The following NR1H4 variants were observed in gnomAD, a reference collection of about 807,000 sequenced individuals.
NR1H4 encodes bile acid receptor.
Under a neutral mutation model 58.5 loss-of-function variants are expected in NR1H4, and 23 were observed. That is an observed-to-expected ratio of 0.39 (90% confidence interval 0.28 to 0.56). The LOEUF is 0.56. Among genes scored for constraint, NR1H4 ranks in the 20% least tolerant of loss-of-function variants. The probability of loss-of-function intolerance (pLI) is 0.58; values close to 1 mark genes in which losing one functional copy is unlikely to be tolerated. For missense variants in NR1H4, 487 were observed against 576.9 expected (o/e 0.84, Z 1.60); for synonymous variants, 214 against 198.0 (o/e 1.08, Z -0.68).
chr12:100,553,388 T>C (rs1593131890), intron 9 of NR1H4, among the ~76,000 whole-genome samples: 1 of 152,280 alleles, frequency 6.6e-6, no homozygotes, highest in South Asian at 2.1e-4. Context: ...GAACTGAACC[T>C]AGAAAAGGAA....
In NR1H4 at chr12:100,563,629, C is replaced by T; in HGVS notation, c.*140C>T. On this transcript the variant is annotated 3_prime_UTR_variant, in exon 11 of 11. Transcript: ENST00000392986. ...TATGTTGTAATTACATGTGTAACTT[C>T]CACAACTGTAAATATTGGGCTAGAT... is the stretch of plus-strand genomic sequence containing the variant. 1.4e-6 allele frequency: 1 copy of T among 739,452 alleles called. No homozygotes were observed. The highest frequency in any genetic ancestry group is 1.6e-5 in the South Asian group (1 of 61,068). 45.8% of individuals were successfully genotyped at this position (739,452 alleles called of 1,614,324 possible).
At chr12:100,475,280 C>T (rs771675925) in intron 1 of NR1H4, among the ~76,000 whole-genome samples, 3 of 152,056 alleles carry the variant, frequency 2.0e-5, no homozygotes, top group Non-Finnish European at 4.4e-5. Context: ...CTTTGTGTTA[C>T]GTTCCTACCC....
chr12:100,551,963 GA>G (rs1418255785), intron 9 of NR1H4, among the ~76,000 whole-genome samples: 5 of 152,152 alleles, frequency 3.3e-5, no homozygotes, highest in African/African-American at 1.2e-4. Context: ...ATAATGACAA[GA>G]AAAAAGTCTG....
At chr12:100,549,481 T>A (rs1955155740) in intron 9 of NR1H4, among the ~76,000 whole-genome samples, 1 of 152,144 alleles carries the variant, frequency 6.6e-6, no homozygotes, top group African/African-American at 2.4e-5. Context: ...GAACTTAACT[T>A]CTTCATCACA....
rs370736489 is a variant in NR1H4 at position 100,513,516 on chromosome 12, G to A, written c.445+2373G>A. On this transcript the variant is annotated intron_variant, in intron 4 of 10. Coordinates refer to ENST00000392986, the MANE Select transcript of NR1H4 (RefSeq NM_001206979.2). Reference sequence around the variant, plus strand: ...ATTGGTTAGAAAAATAAAATAGGCCGGACGCTGTGGTTCACTTATGTAAGT... The same window carrying A: ...ATTGGTTAGAAAAATAAAATAGGCCAGACGCTGTGGTTCACTTATGTAAGT... Among the ~76,000 whole-genome samples the A allele has an allele frequency of 1.6e-4, 25 of 152,144 alleles. No individual in the cohort carries two copies. In the South Asian group the frequency reaches 4.2e-3, roughly 25 times the overall value.
intron 4 of NR1H4, among the ~76,000 whole-genome samples, chr12:100,512,654 AG>A (rs1378067704): frequency 1.3e-4 from 20 of 152,076 alleles, no homozygotes; most frequent in African/African-American, 4.3e-4. Flanking sequence ...AAAAAAAAAA[AG>A]ACAATGTAAA....
At chr12:100,535,123 A>C (rs1285638032) in intron 6 of NR1H4, 100 bp downstream of exon 6, 1 of 1,335,608 alleles carries the variant, frequency 7.5e-7, no homozygotes, top group African/African-American at 1.4e-5. Context: ...CCACAGGCAC[A>C]GCTGAATTTC....
rs73380067 is a variant in NR1H4 at position 100,553,376 on chromosome 12, T to A, written c.1079-8509T>A. 8.9e-3 allele frequency among the ~76,000 whole-genome samples: 1,351 copies of A among 152,266 alleles called. 22 individuals carry two copies. The highest frequency in any genetic ancestry group is 0.031 in the African/African-American group (1,288 of 41,550). On this transcript the variant is annotated intron_variant, in intron 9 of 10. Transcript: ENST00000392986. ...AGATATGAATTGTGATAAGTTGCAATAGAACTGAACCTAGAAAAGGAAGTA... is the reference window on the plus strand; with the variant it reads ...AGATATGAATTGTGATAAGTTGCAAAAGAACTGAACCTAGAAAAGGAAGTA...
intron 9 of NR1H4, among the ~76,000 whole-genome samples, chr12:100,544,365 C>T (rs915389134): frequency 2.6e-5 from 4 of 151,566 alleles, no homozygotes; most frequent in Non-Finnish European, 5.9e-5. Flanking sequence ...TGACAGGTCT[C>T]TACTCTAGGG....
At chr12:100,513,798 CAGAAAGGAAGGAAGGAAGGA>C (rs1411458457) in intron 4 of NR1H4, among the ~76,000 whole-genome samples, 10 of 87,332 alleles carry the variant, frequency 1.1e-4, no homozygotes, top group South Asian at 6.3e-4. Context: ...CCGTCAAAGA[CAGAAAGGAAGGAAGGAAGGA>C]AGGAAGGAAG....
intron 9 of NR1H4, among the ~76,000 whole-genome samples, chr12:100,558,843 C>A (rs1458335388): frequency 6.6e-6 from 1 of 152,210 alleles, no homozygotes; most frequent in African/African-American, 2.4e-5. Context: ...TAGCCACTGT[C>A]AGGACTTTGG....
At chr12:100,518,723 A>G (rs1244220998) in intron 4 of NR1H4, among the ~76,000 whole-genome samples, 2 of 152,104 alleles carry the variant, frequency 1.3e-5, no homozygotes, top group Non-Finnish European at 2.9e-5. Flanking sequence ...ACTTACAAAA[A>G]TAGGCAGGAA....
chr12:100,551,640 A>G (rs1431973655), intron 9 of NR1H4, among the ~76,000 whole-genome samples: 3 of 152,232 alleles, frequency 2.0e-5, no homozygotes, highest in African/African-American at 7.2e-5. Flanking sequence ...AATACAAGTG[A>G]GGTTATTTCC....
At chr12:100,495,332 G>A (rs963907503) in intron 3 of NR1H4, among the ~76,000 whole-genome samples, 1 of 152,188 alleles carries the variant, frequency 6.6e-6, no homozygotes, top group Non-Finnish European at 1.5e-5. Flanking sequence ...CTGACCATGT[G>A]TGACCATTAG....
intron 1 of NR1H4, among the ~76,000 whole-genome samples, chr12:100,487,280 C>T (rs772671219): frequency 5.9e-5 from 9 of 152,144 alleles, no homozygotes; most frequent in Admixed American, 1.3e-4. Flanking sequence ...TTATGCTTTG[C>T]TGTATTGCCT....
chr12:100,493,186 A>G (rs1181018670), intron 2 of NR1H4, 84 bp from the exon 3 acceptor site: 11 of 666,514 alleles, frequency 1.7e-5, no homozygotes, highest in Non-Finnish European at 3.0e-5. Flanking sequence ...ACTTTCGTAA[A>G]CTATCTCGCT....
intron 8 of NR1H4, among the ~76,000 whole-genome samples, chr12:100,538,686 T>G (rs1254768497): frequency 6.6e-6 from 1 of 152,206 alleles, no homozygotes; most frequent in Non-Finnish European, 1.5e-5. Flanking sequence ...AATATTAAAT[T>G]ATAGAAGATA....
At chr12:100,508,334 A>G (rs962581554) in intron 3 of NR1H4, among the ~76,000 whole-genome samples, 1 of 152,150 alleles carries the variant, frequency 6.6e-6, no homozygotes, top group Non-Finnish European at 1.5e-5. Flanking sequence ...CTGGAAAAGA[A>G]AGCAAGGGTA....
At chr12:100,541,572 G>A (rs991624986) in intron 9 of NR1H4, among the ~76,000 whole-genome samples, 6 of 151,290 alleles carry the variant, frequency 4.0e-5, no homozygotes, top group Admixed American at 6.6e-5. Flanking sequence ...GTGAGCCACC[G>A]TGCCTGACTA....
Sources: gnomAD v4.1 joint callset for allele counts (sites outside exome capture counted in the v4.1 genomes callset) on GRCh38, gnomAD v4.1.1 for gene constraint, MANE v1.5 for transcripts, NCBI Gene and HGNC (gene_info 2026-07-23, HGNC 2026-07-21) for gene names.